LRRIQ1: variants seen among roughly 807,000 people sequenced by gnomAD.
The protein encoded by LRRIQ1 is leucine rich repeats and IQ motif containing 1, also known as leucine-rich repeat- and IQ domain-containing protein 1.
In LRRIQ1, 210 loss-of-function variants were observed where a neutral mutation model predicts 211.9. The ratio of observed to expected loss-of-function variants is 0.99; its 90% CI spans 0.89 to 1.11. LRRIQ1 has a LOEUF of 1.11. LRRIQ1 is among the 50% of genes most tolerant of loss of function. The pLI, the probability that LRRIQ1 is intolerant of heterozygous loss-of-function variation, is 0.00. For missense variants in LRRIQ1, 2,136 were observed against 1,939.5 expected (o/e 1.10, Z -1.90); for synonymous variants, 699 against 650.1 (o/e 1.08, Z -1.14).
chr12:85,037,255 C>T (rs1462640338), intron 1 of LRRIQ1, among the ~76,000 whole-genome samples: 1 of 152,016 alleles, frequency 6.6e-6, no homozygotes, highest in Admixed American at 6.6e-5. Context: ...CAGGGGTGAT[C>T]TAATGAGCCA....
At chr12:85,239,969 C>A (rs1355683949) in intron 26 of LRRIQ1, among the ~76,000 whole-genome samples, 1 of 151,902 alleles carries the variant, frequency 6.6e-6, no homozygotes, top group Non-Finnish European at 1.5e-5. Flanking sequence ...CAGAGCAAGA[C>A]CCTGACTCCA....
At chr12:85,119,326 T>C (rs75147824) in intron 15 of LRRIQ1, among the ~76,000 whole-genome samples, 4,170 of 152,254 alleles carry the variant, frequency 0.027, 188 homozygotes, top group African/African-American at 0.095. Context: ...CCACCTCTTT[T>C]CATGGCTTCC....
At chr12:85,136,772 C>G (rs1889162396) in intron 18 of LRRIQ1, among the ~76,000 whole-genome samples, 1 of 151,810 alleles carries the variant, frequency 6.6e-6, no homozygotes, top group African/African-American at 2.4e-5. Flanking sequence ...ATTTTAAAAT[C>G]TCTTTTGTGG....
At chr12:85,099,562 T>A (rs1886182114) in intron 13 of LRRIQ1, among the ~76,000 whole-genome samples, 1 of 151,856 alleles carries the variant, frequency 6.6e-6, no homozygotes, top group Non-Finnish European at 1.5e-5. Context: ...TTGCTGAGAA[T>A]AACTGGCTAA....
At chr12:85,168,231 G>A (rs1287637271) in intron 24 of LRRIQ1, among the ~76,000 whole-genome samples, 1 of 152,108 alleles carries the variant, frequency 6.6e-6, no homozygotes, top group African/African-American at 2.4e-5. Flanking sequence ...TTGTAGCCCT[G>A]CCTGGAGTGG....
At chr12:85,137,180 A>G (rs1889194846) in intron 18 of LRRIQ1, among the ~76,000 whole-genome samples, 1 of 151,360 alleles carries the variant, frequency 6.6e-6, no homozygotes, top group East Asian at 1.9e-4. Context: ...AACATAAAAA[A>G]CACTTATTTC....
intron 5 of LRRIQ1, among the ~76,000 whole-genome samples, 198 bp from the exon 6 acceptor site, chr12:85,047,049 G>A (rs1054293536): frequency 6.6e-6 from 1 of 151,904 alleles, no homozygotes; most frequent in Non-Finnish European, 1.5e-5. Flanking sequence ...TATACCTAAT[G>A]TAAATGATGA....
intron 18 of LRRIQ1, among the ~76,000 whole-genome samples, chr12:85,136,450 T>C (rs1227364985): frequency 6.6e-6 from 1 of 151,876 alleles, no homozygotes; most frequent in Admixed American, 6.6e-5. Context: ...GGGAAGCATA[T>C]TTGGCTTTCT....
intron 5 of LRRIQ1, among the ~76,000 whole-genome samples, 168 bp downstream of exon 5, chr12:85,046,305 T>A (rs1187007878): frequency 6.6e-6 from 1 of 152,208 alleles, no homozygotes; most frequent in Non-Finnish European, 1.5e-5. Context: ...ATCATCATAC[T>A]TTTATGCCTT....
chr12:85,094,926 T>G (rs1256795334), intron 11 of LRRIQ1, among the ~76,000 whole-genome samples: 2 of 152,122 alleles, frequency 1.3e-5, no homozygotes, highest in East Asian at 3.8e-4. Flanking sequence ...GCTTCAATAT[T>G]ACTGGTGTAT....
intron 24 of LRRIQ1, among the ~76,000 whole-genome samples, chr12:85,225,989 C>G (rs1190447550): frequency 6.6e-6 from 1 of 152,166 alleles, no homozygotes; most frequent in African/African-American, 2.4e-5. Flanking sequence ...TATGCTTGTT[C>G]TGTTTCTTAC....
At chr12:85,127,795 TA>T (rs762446360) in intron 17 of LRRIQ1, 36 bp from the exon 18 acceptor site, 8 of 1,560,794 alleles carry the variant, frequency 5.1e-6, no homozygotes, top group South Asian at 2.3e-5. Flanking sequence ...TTACAGATAA[TA>T]AAAAAAGTGT....
downstream of LRRIQ1, among the ~76,000 whole-genome samples, chr12:85,246,906 A>G (rs751340458): frequency 1.5e-3 from 221 of 151,608 alleles, 1 homozygote; most frequent in Non-Finnish European, 2.6e-3. Context: ...TCTGAGGTCA[A>G]TTTGCCTGGA....
At chr12:85,141,246 T>C (rs1889511572) in intron 19 of LRRIQ1, among the ~76,000 whole-genome samples, 1 of 151,518 alleles carries the variant, frequency 6.6e-6, no homozygotes, top group African/African-American at 2.4e-5. Context: ...AGTATATTGT[T>C]ATTAAAAATC....
intron 19 of LRRIQ1, among the ~76,000 whole-genome samples, chr12:85,151,162 C>T (rs1252317460): frequency 1.3e-5 from 2 of 151,254 alleles, no homozygotes; most frequent in Non-Finnish European, 3.0e-5. Context: ...TGTTAATATT[C>T]GCTACCTAGA....
At chr12:85,091,447 G>T (rs1474006307) in intron 11 of LRRIQ1, among the ~76,000 whole-genome samples, 1 of 152,060 alleles carries the variant, frequency 6.6e-6, no homozygotes, top group Non-Finnish European at 1.5e-5. Flanking sequence ...TCTATAGGTT[G>T]TCTGTTTACT....
chr12:85,128,179 G>T (rs1168144740), intron 18 of LRRIQ1, 146 bp downstream of exon 18: 2 of 718,378 alleles, frequency 2.8e-6, no homozygotes, highest in Non-Finnish European at 4.6e-6. Context: ...TTGGCTGCAG[G>T]TTAGCTGCAG....
At chr12:85,168,226 G>A (rs1891245629) in intron 24 of LRRIQ1, among the ~76,000 whole-genome samples, 1 of 152,148 alleles carries the variant, frequency 6.6e-6, no homozygotes, top group East Asian at 1.9e-4. Flanking sequence ...GCCATTTGTA[G>A]CCCTGCCTGG....
intron 11 of LRRIQ1, among the ~76,000 whole-genome samples, chr12:85,091,321 C>T (rs1293061592): frequency 6.6e-6 from 1 of 151,786 alleles, no homozygotes; most frequent in Non-Finnish European, 1.5e-5. Flanking sequence ...TGTTTATGTC[C>T]TTTGCGCGTG....
Sources: gnomAD v4.1 joint callset for allele counts (sites outside exome capture counted in the v4.1 genomes callset) on GRCh38, gnomAD v4.1.1 for gene constraint, MANE v1.5 for transcripts, NCBI Gene and HGNC (gene_info 2026-07-23, HGNC 2026-07-21) for gene names.